The following OR9Q1 variants were observed in gnomAD, a reference collection of about 807,000 sequenced individuals.
OR9Q1 encodes olfactory receptor family 9 subfamily Q member 1, also known as olfactory receptor 9Q1.
For synonymous variants in OR9Q1, 153 were observed against 148.6 expected, an observed-to-expected ratio of 1.03 and a Z score of -0.22; for missense variants, 374 against 378.8, an observed-to-expected ratio of 0.99 and a Z score of 0.11.
intron 1 of OR9Q1, chr11:58,030,956 C>A (rs202206886): frequency 1.2e-6 from 2 of 1,608,156 alleles, no homozygotes; most frequent in Non-Finnish European, 1.7e-6. Context: ...GCCACATATG[C>A]AACCATATAC....
intron 2 of OR9Q1, among the ~76,000 whole-genome samples, chr11:58,150,515 A>T (rs542781442): frequency 6.6e-6 from 1 of 152,318 alleles, no homozygotes; most frequent in Non-Finnish European, 1.5e-5. Flanking sequence ...ACATAAGGAT[A>T]TTTCAATCAA....
chr11:58,062,651 A>T (rs893452742), intron 2 of OR9Q1, among the ~76,000 whole-genome samples: 1 of 152,108 alleles, frequency 6.6e-6, no homozygotes, highest in African/African-American at 2.4e-5. Context: ...CTGAATGAGA[A>T]CTCAAAGCAG....
intron 2 of OR9Q1, among the ~76,000 whole-genome samples, chr11:58,173,326 C>G (rs1190151418): frequency 1.5e-5 from 2 of 137,202 alleles, no homozygotes; most frequent in Non-Finnish European, 3.1e-5. Flanking sequence ...GTGATGTTCC[C>G]CTTCCTGTGT....
intron 2 of OR9Q1, among the ~76,000 whole-genome samples, chr11:58,085,155 T>A (rs1245173196): frequency 6.6e-6 from 1 of 151,984 alleles, no homozygotes; most frequent in Non-Finnish European, 1.5e-5. Flanking sequence ...ATTTAATCAG[T>A]TTCTTAGTCA....
At chr11:58,092,864 A>G (rs1343902983) in intron 2 of OR9Q1, among the ~76,000 whole-genome samples, 2 of 152,180 alleles carry the variant, frequency 1.3e-5, no homozygotes, top group Non-Finnish European at 2.9e-5. Context: ...ATTCAATACT[A>G]TTGTAGGTTA....
intron 2 of OR9Q1, chr11:58,118,585 G>C (rs775891683): frequency 1.2e-5 from 19 of 1,614,006 alleles, no homozygotes; most frequent in Middle Eastern, 1.7e-4. Context: ...GTAGATCAGA[G>C]GGTTCAGCAT....
chr11:58,048,448 T>C (rs7952724), intron 1 of OR9Q1, among the ~76,000 whole-genome samples: 38,528 of 148,684 alleles, frequency 0.26, 5,514 homozygotes, highest in East Asian at 0.6. Context: ...ATCAGGAGTT[T>C]GAGACCAGCG....
At chr11:58,148,179 A>G (rs1056601852) in intron 2 of OR9Q1, among the ~76,000 whole-genome samples, 2 of 152,132 alleles carry the variant, frequency 1.3e-5, no homozygotes, top group Non-Finnish European at 2.9e-5. Flanking sequence ...TTTTTCACAT[A>G]TATTAAGTTG....
chr11:58,133,215 CTTTGTTTCTT>C (rs1854159974), intron 2 of OR9Q1, among the ~76,000 whole-genome samples: 1 of 150,146 alleles, frequency 6.7e-6, no homozygotes, highest in South Asian at 2.1e-4. Flanking sequence ...GGGTTTTTCT[CTTTGTTTCTT>C]TTTGTTTTGT....
At chr11:58,109,288 G>A (rs759059310) in intron 2 of OR9Q1, 1 of 462,002 alleles carries the variant, frequency 2.2e-6, no homozygotes. Context: ...ATTGCTAATG[G>A]CAACAAAGCG....
chr11:58,083,992 A>G (rs1448444620), intron 2 of OR9Q1, among the ~76,000 whole-genome samples: 1 of 151,884 alleles, frequency 6.6e-6, no homozygotes, highest in Admixed American at 6.6e-5. Context: ...TAATTCTGTG[A>G]AGAATGATGT....
At chr11:58,107,356 G>A (rs1477545677) in intron 2 of OR9Q1, among the ~76,000 whole-genome samples, 3 of 152,142 alleles carry the variant, frequency 2.0e-5, no homozygotes, top group Non-Finnish European at 4.4e-5. Context: ...GTGAGAACAT[G>A]CGGTGTTTGG....
intron 2 of OR9Q1, among the ~76,000 whole-genome samples, chr11:58,062,478 A>G (rs77634098): frequency 0.041 from 6,304 of 152,232 alleles, 149 homozygotes; most frequent in African/African-American, 0.061. Context: ...CTTTGTGAAG[A>G]GGTTAACCTC....
At chr11:58,076,776 C>T (rs889039230) in intron 2 of OR9Q1, among the ~76,000 whole-genome samples, 2 of 152,120 alleles carry the variant, frequency 1.3e-5, no homozygotes, top group East Asian at 1.9e-4. Flanking sequence ...CATGAGACAC[C>T]ATGCCTAGCC....
intron 2 of OR9Q1, among the ~76,000 whole-genome samples, chr11:58,139,647 T>C (rs1193127329): frequency 1.3e-5 from 2 of 152,070 alleles, no homozygotes; most frequent in South Asian, 2.1e-4. Context: ...TATTCCATGG[T>C]GTATATGTGC....
chr11:58,168,171 T>C (rs753682636), intron 2 of OR9Q1, among the ~76,000 whole-genome samples: 1 of 152,228 alleles, frequency 6.6e-6, no homozygotes, highest in African/African-American at 2.4e-5. Context: ...CATTTTGCTT[T>C]ATGTGTGATT....
chr11:58,061,017 A>G (rs1039650544), intron 2 of OR9Q1, among the ~76,000 whole-genome samples: 1 of 152,190 alleles, frequency 6.6e-6, no homozygotes, highest in East Asian at 1.9e-4. Flanking sequence ...TTCCTCTCCA[A>G]TCAGATTCTA....
intron 2 of OR9Q1, among the ~76,000 whole-genome samples, chr11:58,099,519 A>G (rs545600751): frequency 1.5e-4 from 23 of 152,142 alleles, no homozygotes; most frequent in African/African-American, 5.3e-4. Context: ...TAACATTAAT[A>G]TAGGCACCCT....
intron 2 of OR9Q1, among the ~76,000 whole-genome samples, chr11:58,160,590 G>A (rs957913650): frequency 6.6e-6 from 1 of 152,096 alleles, no homozygotes; most frequent in African/African-American, 2.4e-5. Flanking sequence ...CTCCCAAATT[G>A]CTAGGACCAT....
Sources: allele counts gnomAD v4.1 joint callset (sites outside exome capture counted in the v4.1 genomes callset), GRCh38; gene constraint gnomAD v4.1.1; transcripts MANE v1.5; gene names NCBI Gene and HGNC (gene_info 2026-07-23, HGNC 2026-07-21).